PACSIN2: variants seen among roughly 807,000 people sequenced by gnomAD.
PACSIN2 encodes protein kinase C and casein kinase substrate in neurons protein 2.
In PACSIN2, 25 loss-of-function variants were observed where a neutral mutation model predicts 63.8. The ratio of observed to expected loss-of-function variants is 0.39; its 90% CI spans 0.29 to 0.55. The LOEUF is 0.55. PACSIN2 is among the 20% of genes least tolerant of loss of function. The pLI, the probability that PACSIN2 is intolerant of heterozygous loss-of-function variation, is 0.62. For synonymous variants in PACSIN2, 255 were observed against 256.2 expected (o/e 1.00, Z 0.05); for missense variants, 518 against 646.9 (o/e 0.80, Z 2.16).
At chr22:43,005,980 A>T (rs548891576) in intron 1 of PACSIN2, among the ~76,000 whole-genome samples, 1 of 151,920 alleles carries the variant, frequency 6.6e-6, no homozygotes, top group East Asian at 1.9e-4. Context: ...TTTTGTTGAG[A>T]TAGGGTCTCA....
intron 1 of PACSIN2, among the ~76,000 whole-genome samples, chr22:43,000,752 G>T (rs1285365969): frequency 6.6e-6 from 1 of 152,182 alleles, no homozygotes; most frequent in African/African-American, 2.4e-5. Context: ...GGAAATACAA[G>T]AAGCATTAAA....
rs1929882397 is a variant in PACSIN2, at chr22:42,891,155, G to C, written c.245C>G (p.Ala82Gly). Residue 82 changes from alanine to glycine, a missense_variant, in exon 4 of 11, where the codon GCC becomes GGC. Coordinates refer to ENST00000263246, the MANE Select transcript of PACSIN2 (RefSeq NM_001184970.3). ...TGCCTCGGACATGAAGGCCATCCAG[G>C]CCTTCTCCACGGTCCCGTACTGGGG... ...KGPQYGTVEKAWMAFMSEAER... is the reference protein window; with the variant it reads ...KGPQYGTVEKGWMAFMSEAER... The C allele has an allele frequency of 6.2e-7, 1 of 1,613,912 alleles. No individual in the cohort carries two copies. Among genetic ancestry groups the C allele is most frequent in the Non-Finnish European group, 8.5e-7 (1 of 1,179,972 alleles).
intron 1 of PACSIN2, among the ~76,000 whole-genome samples, chr22:42,994,152 G>A (rs1923238271): frequency 2.0e-5 from 3 of 152,202 alleles, no homozygotes; most frequent in Non-Finnish European, 4.4e-5. Flanking sequence ...GATGTCATCA[G>A]CAAAGCCCTA....
rs183705001 is a variant in PACSIN2 at position 42,955,300 on chromosome 22, C to T, written c.-77-43143G>A. On this transcript the variant is annotated intron_variant, in intron 1 of 10. Coordinates refer to ENST00000263246, the MANE Select transcript of PACSIN2 (RefSeq NM_001184970.3). Reference sequence around the variant, plus strand: ...CTGAATGAATGAATGAATGAATGAACAAACAAACGAACGAACGAACGAAAA... The same window carrying T: ...CTGAATGAATGAATGAATGAATGAATAAACAAACGAACGAACGAACGAAAA... Among the ~76,000 whole-genome samples the T allele has an allele frequency of 4.8e-4, 72 of 150,438 alleles. No individual in the cohort carries two copies. The South Asian group carries it at 5.0e-3, about 10-fold the overall frequency.
rs146662987 is a variant in PACSIN2 at position 42,956,336 on chromosome 22, A to G, written c.-77-44179T>C. Among the ~76,000 whole-genome samples, 578 of 152,316 alleles carry G rather than the reference A, an allele frequency of 3.8e-3. 1 individual carries two copies. The highest frequency in any genetic ancestry group is 6.6e-3 in the Non-Finnish European group (448 of 68,024). On this transcript the variant is annotated intron_variant, in intron 1 of 10. Transcript: ENST00000263246. ...ATATGACAGAGTCTAATAAGAAAAA[A>G]CTTAGGCCAGAGCCCCAGGGCTGGA...
At chr22:42,977,985 T>C (rs982623670) in intron 1 of PACSIN2, among the ~76,000 whole-genome samples, 7 of 152,206 alleles carry the variant, frequency 4.6e-5, no homozygotes, top group African/African-American at 7.2e-5. Flanking sequence ...TACTCATACA[T>C]TGCTAGTACA....
chr22:42,946,251 G>A (rs1258635047), intron 1 of PACSIN2, among the ~76,000 whole-genome samples: 1 of 152,328 alleles, frequency 6.6e-6, no homozygotes, highest in East Asian at 1.9e-4. Flanking sequence ...CCAGGGTAGG[G>A]TCTCCAGAAG....
intron 2 of PACSIN2, among the ~76,000 whole-genome samples, chr22:42,906,321 T>G (rs954131735): frequency 2.0e-5 from 3 of 152,248 alleles, no homozygotes; most frequent in Non-Finnish European, 2.9e-5. Context: ...AAAGGCTGCT[T>G]TCTGCTCTAA....
chr22:42,879,083 C>A lies in PACSIN2; in HGVS notation c.993G>T (p.Gln331His). 3 of 1,614,148 alleles carry A rather than the reference C, an allele frequency of 1.9e-6. No homozygotes were observed. Among genetic ancestry groups the A allele is most frequent in the Non-Finnish European group, 1.7e-6 (2 of 1,179,998 alleles). ...TACTCGGCAGAGACTGGTCGCCTGT[C>A]TGGTTGATGCCCGTCAGGGTGACGC... ...TDGVTLTGIN[Q>H]TGDQSLPSKP... The change falls in exon 8 of 11, where the codon CAG becomes CAT. Residue 331 changes from glutamine (Q) to histidine (H), a missense_variant. Physicochemically the swap from Gln to His is conservative, Grantham distance 24. Coordinates refer to ENST00000263246, the MANE Select transcript of PACSIN2 (RefSeq NM_001184970.3).
At chr22:42,930,582 T>C (rs1325700889) in intron 1 of PACSIN2, among the ~76,000 whole-genome samples, 1 of 152,220 alleles carries the variant, frequency 6.6e-6, no homozygotes, top group African/African-American at 2.4e-5. Context: ...AAAATGTTTC[T>C]AAAATGCATT....
intron 1 of PACSIN2, among the ~76,000 whole-genome samples, chr22:42,966,307 T>C (rs1368498350): frequency 6.6e-6 from 1 of 151,424 alleles, no homozygotes; most frequent in Non-Finnish European, 1.5e-5. Flanking sequence ...GAGGCGGAGG[T>C]TGCAATGAGA....
chr22:42,876,962 G>A lies in PACSIN2; in HGVS notation c.1077C>T (p.Ser359=). The change falls in exon 9 of 11, where the codon TCC becomes TCT. Residue 359 remains serine (S), a synonymous_variant. Transcript: ENST00000263246. The part of the protein sequence containing the change: ...SNPAQSAQSQ[S]SYNPFEDEDD... ...CCTCATCCTCGAAGGGGTTGTAGCT[G>A]GACTGTGACTGCGCAGACTGGGCGG... 1 of 1,614,170 alleles carries A rather than the reference G, an allele frequency of 6.2e-7. No homozygotes were observed. The highest frequency in any genetic ancestry group is 1.1e-5 in the South Asian group (1 of 91,086).
chr22:42,878,724 C>A (rs1928836273), intron 8 of PACSIN2, among the ~76,000 whole-genome samples: 2 of 152,226 alleles, frequency 1.3e-5, no homozygotes, highest in Admixed American at 1.3e-4. Context: ...GCGGTGCTAT[C>A]CCTGGGGACA....
At chr22:43,009,332 G>T (rs951073320) in intron 1 of PACSIN2, among the ~76,000 whole-genome samples, 3 of 152,230 alleles carry the variant, frequency 2.0e-5, no homozygotes, top group African/African-American at 7.2e-5. Flanking sequence ...AGAATGAGAG[G>T]TGAAAGTGCT....
chr22:42,941,142 T>C (rs1933140030), intron 1 of PACSIN2, among the ~76,000 whole-genome samples: 1 of 152,228 alleles, frequency 6.6e-6, no homozygotes, highest in Admixed American at 6.5e-5. Flanking sequence ...GATCATAACA[T>C]GTGGCTCTGG....
chr22:42,980,636 G>A (rs1430785782), intron 1 of PACSIN2, among the ~76,000 whole-genome samples: 3 of 125,858 alleles, frequency 2.4e-5, no homozygotes, highest in Admixed American at 1.6e-4. Context: ...GCAGGCGCGC[G>A]CCGCCACGCC....
intron 1 of PACSIN2, among the ~76,000 whole-genome samples, chr22:42,929,346 CAACAGCA>C (rs1569286236): frequency 1.3e-5 from 2 of 152,190 alleles, no homozygotes; most frequent in Non-Finnish European, 2.9e-5. Flanking sequence ...AAGGGAAAGT[CAACAGCA>C]ATTAATATTT....
intron 1 of PACSIN2, among the ~76,000 whole-genome samples, chr22:42,963,931 AT>A (rs1446449716): frequency 3.3e-5 from 3 of 90,700 alleles, no homozygotes; most frequent in African/African-American, 1.1e-4. Context: ...TTGAGATATA[AT>A]TCACGTCACA....
chr22:42,962,577 G>T lies in PACSIN2; in HGVS notation c.-77-50420C>A, dbSNP rs575167350. Among the ~76,000 whole-genome samples the T allele has an allele frequency of 4.0e-5, 6 of 151,654 alleles. No homozygotes were observed. In the East Asian group the frequency reaches 9.7e-4, roughly 25 times the overall value. ...CAAGGCAGAACTGGGGGTGGGGGGTGGAGGGTGAGGTCTGGGGTAGGGGGT... is the reference window on the plus strand; with the variant it reads ...CAAGGCAGAACTGGGGGTGGGGGGTTGAGGGTGAGGTCTGGGGTAGGGGGT... On this transcript the variant is annotated intron_variant, in intron 1 of 10. Transcript: ENST00000263246.
Sources: allele counts gnomAD v4.1 joint callset (sites outside exome capture counted in the v4.1 genomes callset), GRCh38; gene constraint gnomAD v4.1.1; transcripts MANE v1.5; gene names NCBI Gene and HGNC (gene_info 2026-07-23, HGNC 2026-07-21).